RANBP17: variants seen among roughly 807,000 people sequenced by gnomAD.
RANBP17 encodes the protein ran-binding protein 17.
In RANBP17, 158 loss-of-function variants were observed where a neutral mutation model predicts 141.2. The observed-to-expected ratio is 1.12, with a 90% CI of 0.98 to 1.28. RANBP17 has a LOEUF of 1.28. Ranked by LOEUF, RANBP17 falls within the 50% of genes most tolerant of loss-of-function variation. The pLI is 0.00. For synonymous variants in RANBP17, 430 were observed against 450.0 expected (o/e 0.96, Z 0.56); for missense variants, 1,438 against 1,290.7 (o/e 1.11, Z -1.75).
chr5:170,876,965 G>A (rs1768230190), intron 1 of RANBP17, among the ~76,000 whole-genome samples: 1 of 152,060 alleles, frequency 6.6e-6, no homozygotes. Flanking sequence ...TTAAAGTGAG[G>A]TAATTTGTTT....
At chr5:171,248,407 C>T (rs1765359025) in intron 24 of RANBP17, among the ~76,000 whole-genome samples, 1 of 151,294 alleles carries the variant, frequency 6.6e-6, no homozygotes, top group South Asian at 2.1e-4. Context: ...ACATTTAAGG[C>T]ACAGAAAGAG....
intron 14 of RANBP17, among the ~76,000 whole-genome samples, chr5:171,095,885 G>C (rs1048629686): frequency 6.6e-6 from 1 of 152,134 alleles, no homozygotes; most frequent in African/African-American, 2.4e-5. Context: ...ACACATTTTA[G>C]TGTTGTATGT....
intron 14 of RANBP17, among the ~76,000 whole-genome samples, chr5:171,145,028 G>T (rs1273599833): frequency 6.6e-6 from 1 of 152,140 alleles, no homozygotes; most frequent in African/African-American, 2.4e-5. Flanking sequence ...TAAATTATTT[G>T]TGTGATGCTT....
At chr5:170,879,110 A>T (rs960164967) in intron 2 of RANBP17, among the ~76,000 whole-genome samples, 1 of 152,138 alleles carries the variant, frequency 6.6e-6, no homozygotes, top group East Asian at 1.9e-4. Context: ...TTGATTGCAG[A>T]TGTTCATATG....
intron 22 of RANBP17, among the ~76,000 whole-genome samples, chr5:171,240,411 C>G (rs1056635836): frequency 1.3e-5 from 2 of 152,124 alleles, no homozygotes; most frequent in African/African-American, 4.8e-5. Context: ...CCAAGAACTT[C>G]TGTGTGTGTT....
At chr5:170,909,906 A>T (rs932019724) in intron 6 of RANBP17, 141 bp downstream of exon 6, 1 of 549,626 alleles carries the variant, frequency 1.8e-6, no homozygotes, top group Non-Finnish European at 3.2e-6. Context: ...GTAAATTTGC[A>T]TAAGTCTGTA....
At chr5:171,139,107 A>G (rs1379764756) in intron 14 of RANBP17, among the ~76,000 whole-genome samples, 2 of 152,100 alleles carry the variant, frequency 1.3e-5, no homozygotes, top group Admixed American at 1.3e-4. Flanking sequence ...AAAGAAAAAT[A>G]ATAAATTTTA....
At chr5:170,879,938 T>A (rs1768523743) in intron 2 of RANBP17, among the ~76,000 whole-genome samples, 1 of 152,170 alleles carries the variant, frequency 6.6e-6, no homozygotes, top group South Asian at 2.1e-4. Flanking sequence ...TACAATAGAT[T>A]CATATATTTA....
intron 12 of RANBP17, among the ~76,000 whole-genome samples, chr5:170,931,764 A>C (rs528507834): frequency 2.0e-5 from 3 of 152,122 alleles, no homozygotes; most frequent in Non-Finnish European, 4.4e-5. Flanking sequence ...CCATTGGTCT[A>C]TATCTCTGTT....
chr5:171,223,496 G>A (rs187152919), intron 22 of RANBP17, among the ~76,000 whole-genome samples: 7 of 152,184 alleles, frequency 4.6e-5, no homozygotes, highest in South Asian at 2.1e-4. Flanking sequence ...TTAGCCAGGC[G>A]TGGTGGCGGG....
intron 14 of RANBP17, among the ~76,000 whole-genome samples, chr5:171,057,918 T>C (rs1237189006): frequency 6.6e-6 from 1 of 152,074 alleles, no homozygotes; most frequent in Non-Finnish European, 1.5e-5. Flanking sequence ...ATTATGGGGA[T>C]TACAATTGGA....
At chr5:171,260,706 A>T (rs1033706250) in intron 24 of RANBP17, among the ~76,000 whole-genome samples, 34 of 152,168 alleles carry the variant, frequency 2.2e-4, no homozygotes, top group Non-Finnish European at 4.6e-4. Flanking sequence ...CTTCACATGT[A>T]CACTATAAAT....
chr5:171,081,967 T>C (rs567874687), intron 14 of RANBP17, among the ~76,000 whole-genome samples: 9 of 152,314 alleles, frequency 5.9e-5, no homozygotes, highest in African/African-American at 1.9e-4. Flanking sequence ...AGAATCCTTC[T>C]AACTCTAAAA....
At chr5:170,874,607 G>A (rs545554692) in intron 1 of RANBP17, among the ~76,000 whole-genome samples, 1 of 149,530 alleles carries the variant, frequency 6.7e-6, no homozygotes, top group Admixed American at 6.6e-5. Context: ...TTTGATCTTT[G>A]TTGGTTTAAA....
chr5:170,899,641 T>C (rs567852151), intron 5 of RANBP17, among the ~76,000 whole-genome samples: 1 of 152,190 alleles, frequency 6.6e-6, no homozygotes, highest in Non-Finnish European at 1.5e-5. Flanking sequence ...TCCAGTATGA[T>C]ATTGGCTGTG....
chr5:171,219,503 T>C (rs748877554), intron 21 of RANBP17, among the ~76,000 whole-genome samples: 21 of 152,138 alleles, frequency 1.4e-4, no homozygotes, highest in Non-Finnish European at 2.6e-4. Context: ...TTGGTTCCAT[T>C]CTCCTCATCA....
intron 22 of RANBP17, among the ~76,000 whole-genome samples, chr5:171,222,884 C>T (rs1420528895): frequency 6.6e-6 from 1 of 152,180 alleles, no homozygotes; most frequent in Non-Finnish European, 1.5e-5. Flanking sequence ...CCACCTCAGC[C>T]TCCCAAAGTA....
intron 14 of RANBP17, among the ~76,000 whole-genome samples, chr5:171,102,698 C>G (rs934025451): frequency 7.2e-5 from 11 of 151,976 alleles, no homozygotes; most frequent in African/African-American, 2.7e-4. Context: ...CATTTTCAGC[C>G]TTTTTGTGCT....
At chr5:170,911,485 T>A in intron 7 of RANBP17, 5 of 677,582 alleles carry the variant, frequency 7.4e-6, no homozygotes, top group Non-Finnish European at 1.1e-5. Flanking sequence ...CAGGTGCTGG[T>A]CAAACCTTTA....
Sources: allele counts gnomAD v4.1 joint callset (sites outside exome capture counted in the v4.1 genomes callset), GRCh38; gene constraint gnomAD v4.1.1; transcripts MANE v1.5; gene names NCBI Gene and HGNC (gene_info 2026-07-23, HGNC 2026-07-21).